The following SCNN1D variants were observed in gnomAD, a reference collection of about 807,000 sequenced individuals.
The protein encoded by SCNN1D is epithelial sodium channel subunit delta.
Under a neutral mutation model 87.8 loss-of-function variants are expected in SCNN1D, and 104 were observed. The ratio of observed to expected loss-of-function variants is 1.18; its 90% CI spans 1.01 to 1.39. The LOEUF (loss-of-function observed/expected upper bound fraction) is 1.39. Among genes scored for constraint, SCNN1D ranks in the 40% most tolerant of loss-of-function variants. The pLI is 0.00. For missense variants in SCNN1D, 1,324 were observed against 1,093.9 expected (o/e 1.21, Z -2.97); for synonymous variants, 628 against 481.2 (o/e 1.31, Z -3.99).
chr1:1,290,275 G>A lies in SCNN1D; in HGVS notation c.1667G>A (p.Cys556Tyr), dbSNP rs1640755636. ...LHNTSYTRQA[C>Y]LVSCFQQLMV... ...GCTCATCCCCCCTGTCCCCAGGCCT[G>A]CCTGGTGTCCTGCTTCCAGCAGCTG... The change falls in exon 13 of 18, where the codon TGC becomes TAC. Residue 556 changes from cysteine (C) to tyrosine (Y), a missense_variant. Cys to Tyr is a radical substitution (Grantham distance 194). Transcript: ENST00000379116. 2 of 1,562,566 alleles carry A rather than the reference G, an allele frequency of 1.3e-6. No homozygotes were observed. Among genetic ancestry groups the A allele is most frequent in the Non-Finnish European group, 1.7e-6 (2 of 1,153,004 alleles).
Position 1,288,219 on chromosome 1 carries a change from T to TCC in SCNN1D, c.1662+184_1662+185dup, listed in dbSNP as rs1553160013. 1.2e-3 allele frequency among the ~76,000 whole-genome samples: 167 copies of TCC among 137,942 alleles called. 2 individuals carry two copies. The highest frequency in any genetic ancestry group is 3.6e-3 in the African/African-American group (130 of 36,494). The allele number at this position is 137,942 out of a possible 152,430, so 90.5% of individuals were successfully genotyped here. ...CTCCATTCCCTGTGTCTCTGCTCCG[T>TCC]CCCGTGTCTCTGCTCCGTCCCGTGT... is the stretch of plus-strand genomic sequence containing the variant. On this transcript the variant is annotated intron_variant, in intron 12 of 17. Transcript: ENST00000379116.
At position 1,291,038 on chromosome 1, in the gene SCNN1D, C is replaced by T. The variant is rs377403530; in HGVS notation, c.1977-27C>T. Reference sequence around the variant, plus strand: ...TCCCCATCATGAAGGTCTGGGCCAGCGCCCTCATGCCTCTATCCTGCCCCA... The same window carrying T: ...TCCCCATCATGAAGGTCTGGGCCAGTGCCCTCATGCCTCTATCCTGCCCCA... On this transcript the variant is annotated intron_variant, in intron 16 of 17. Coordinates refer to ENST00000379116, the MANE Select transcript of SCNN1D (RefSeq NM_001130413.4). 4,098 of 1,606,648 alleles carry T rather than the reference C, an allele frequency of 2.6e-3. 7 individuals carry two copies. The highest frequency in any genetic ancestry group is 3.0e-3 in the Non-Finnish European group (3,579 of 1,176,374).
intron 12 of SCNN1D, among the ~76,000 whole-genome samples, chr1:1,288,569 CCCCGTGTCTCTGCTCCGT>C (rs1369342785): frequency 2.0e-4 from 1 of 4,958 alleles, no homozygotes; most frequent in Non-Finnish European, 4.2e-4. Flanking sequence ...CTGCTCCGTC[CCCCGTGTCTCTGCTCCGT>C]CCCGTGTCTC....
Position 1,287,298 on chromosome 1 carries a change from C to A in SCNN1D, c.1309C>A (p.Arg437=). ...TTACGATGGCCTGGACTGCCAGGCC[C>A]GGTGAGTGTGGCGGGCGGGGGCCAC... The part of the protein sequence containing the change: ...CSYDGLDCQA[R]QFRTFHHPTY... The change falls in exon 9 of 18, where the codon CGA becomes AGA. Residue 437 remains arginine, a splice_region_variant and synonymous_variant. Transcript: ENST00000379116. The A allele has an allele frequency of 6.3e-7, 1 of 1,586,160 alleles. No homozygotes were observed. Among genetic ancestry groups the A allele is most frequent in the Non-Finnish European group, 8.6e-7 (1 of 1,162,914 alleles).
Position 1,287,017 on chromosome 1 carries a change from GCTGGGAGCACGGCCCTGCGCTGCTGGTAC to G in SCNN1D, c.1119+45_1120-61del, listed in dbSNP as rs752947576. On this transcript the variant is annotated intron_variant, in intron 8 of 17. Coordinates refer to ENST00000379116, the MANE Select transcript of SCNN1D (RefSeq NM_001130413.4). ...GGGCCTGCAGCCATCAGGGCCTTGAGCTGGGAGCACGGCCCTGCGCTGCTGGTACCTCGAGTGGGGAGCGGGGCCTGGGC... is the reference window on the plus strand; with the variant it reads ...GGGCCTGCAGCCATCAGGGCCTTGAGCTCGAGTGGGGAGCGGGGCCTGGGC... 2.2e-5 allele frequency: 35 copies of G among 1,595,778 alleles called. No individual in the cohort carries two copies. The Admixed American group carries it at 3.0e-4, about 14-fold the overall frequency.
intron 12 of SCNN1D, among the ~76,000 whole-genome samples, chr1:1,288,361 T>C (rs866479534): frequency 3.0e-3 from 79 of 26,490 alleles, no homozygotes; most frequent in East Asian, 9.4e-3. Context: ...GTGTCTCTGC[T>C]CCGTCCCGTG....
At chr1:1,290,737 C>T (rs1640781006) in intron 15 of SCNN1D, 43 bp downstream of exon 15, 2 of 1,607,146 alleles carry the variant, frequency 1.2e-6, no homozygotes, top group East Asian at 2.2e-5. Flanking sequence ...GACAGCCAGG[C>T]AGACCCCACA....
chr1:1,280,821 T>G (rs1297008376), intron 1 of SCNN1D, 155 bp downstream of exon 1: 9 of 617,862 alleles, frequency 1.5e-5, no homozygotes, highest in Non-Finnish European at 2.7e-5. Context: ...CACACGCACC[T>G]TACTCCTCCC....
chr1:1,286,307 G>A (rs1640589852), intron 7 of SCNN1D, 29 bp downstream of exon 7: 2 of 1,499,300 alleles, frequency 1.3e-6, no homozygotes, highest in Non-Finnish European at 1.8e-6. Context: ...GGCGGGAGGG[G>A]TGGCCGCCCC....
rs609805 is a variant in SCNN1D at position 1,291,509 on chromosome 1, G to A, written c.2308G>A (p.Gly770Arg). The A allele has an allele frequency of 0.046, 74,703 of 1,608,368 alleles. 3,204 individuals carry two copies. Among genetic ancestry groups the A allele is most frequent in the East Asian group, 0.15 (6,912 of 44,706 alleles). ...GGTSDDPEPS[G>R]PHLPRVMLPG... ...CACGTCAGATGACCCGGAGCCCAGC[G>A]GGCCTCATCTCCCACGGGTGATGCT... Residue 770 changes from glycine to arginine, a missense_variant, in exon 18 of 18, where the codon GGG (glycine) becomes AGG (arginine). Transcript: ENST00000379116.
intron 9 of SCNN1D, 74 bp from the exon 10 acceptor site, chr1:1,287,434 C>T (rs1640620846): frequency 6.7e-7 from 1 of 1,489,988 alleles, no homozygotes. Flanking sequence ...ACAGGGCAGG[C>T]CATGGCCCCT....
chr1:1,288,254 G>A lies in SCNN1D; in HGVS notation c.1662+217G>A, dbSNP rs868035453. Among the ~76,000 whole-genome samples, 43 of 122,352 alleles carry A rather than the reference G, an allele frequency of 3.5e-4. 2 individuals are homozygous for A. Among genetic ancestry groups the A allele is most frequent in the East Asian group, 1.2e-3 (4 of 3,468 alleles). The allele number at this position is 122,352 out of a possible 152,430, so 80.3% of individuals were successfully genotyped here. A position where few individuals can be genotyped will look rare whatever the true frequency, so the allele number is the denominator to read the frequency against. ...CTGCTCCGTCCCGTGTCTCTGCTCC[G>A]TCCCGTGTCTCTGCTCCGTCCCCCG... On this transcript the variant is annotated intron_variant, in intron 12 of 17. Transcript: ENST00000379116.
In SCNN1D at chr1:1,290,163, G is replaced by A. The variant is rs1357095786; in HGVS notation, c.1663-108G>A. 1.6e-4 allele frequency: 81 copies of A among 511,788 alleles called. 2 individuals carry two copies. Among genetic ancestry groups the A allele is most frequent in the South Asian group, 3.6e-4 (14 of 39,086 alleles). 31.7% of individuals were successfully genotyped at this position (511,788 alleles called of 1,614,324 possible). On this transcript the variant is annotated intron_variant, in intron 12 of 17. Transcript: ENST00000379116. ...CTGCTCCGTCCCGTGTCTCTGCTCC[G>A]TCCCGTGTCCCTGCTCCGTCCCGTG...
In SCNN1D at chr1:1,281,225, G is replaced by A. The variant is rs910715512; in HGVS notation, c.6-1G>A. The A allele has an allele frequency of 6.5e-7, 1 of 1,535,166 alleles. No individual in the cohort carries two copies. The highest frequency in any genetic ancestry group is 1.4e-5 in the African/African-American group (1 of 73,010). On this transcript the variant is annotated splice_acceptor_variant, in intron 1 of 17. Transcript: ENST00000379116. LOFTEE classifies it high-confidence loss of function. ...AGATGCCAGGCGCCTGCCATCTCCA[G>A]GGCAGTGCTGTCACAGAAGACAACA...
Position 1,287,979 on chromosome 1 carries a change from C to A in SCNN1D, c.1604C>A (p.Thr535Asn). The stretch of plus-strand genomic sequence containing the variant: ...CTCGGGAGCCCCTACGGCCACTGCA[C>A]CGCCGGCGGGGAAGGCGTGGAGGTG... ...HRLGSPYGHC[T>N]AGGEGVEVEL... Residue 535 changes from threonine to asparagine, a missense_variant, in exon 12 of 18, where the codon ACC becomes AAC. Physicochemically the swap from Thr to Asn is moderately conservative, Grantham distance 65. Transcript: ENST00000379116. 1 of 1,547,134 alleles carries A rather than the reference C, an allele frequency of 6.5e-7. No homozygotes were observed. The highest frequency in any genetic ancestry group is 8.7e-7 in the Non-Finnish European group (1 of 1,145,562).
chr1:1,287,057 G>A, intron 8 of SCNN1D, 52 bp from the exon 9 acceptor site: 1 of 1,577,326 alleles, frequency 6.3e-7, no homozygotes, highest in Non-Finnish European at 8.6e-7. Flanking sequence ...CTCGAGTGGG[G>A]AGCGGGGCCT....
intron 12 of SCNN1D, among the ~76,000 whole-genome samples, chr1:1,289,973 TCTGCTCCGTCCCGTGTCC>T (rs1553160369): frequency 3.3e-5 from 1 of 30,462 alleles, no homozygotes; most frequent in Non-Finnish European, 4.9e-5. Context: ...GTCCCCCGTG[TCTGCTCCGTCCCGTGTCC>T]CTGCTCCGTC....
At position 1,290,935 on chromosome 1, in the gene SCNN1D, A is replaced by G. The variant is rs1380668090; in HGVS notation, c.1958A>G (p.His653Arg). The change falls in exon 16 of 18, where the codon CAT (histidine) becomes CGT (arginine). Residue 653 changes from histidine to arginine, a missense_variant. Coordinates refer to ENST00000379116, the MANE Select transcript of SCNN1D (RefSeq NM_001130413.4). ...ACGCTAGGTGAACAGGGGCTGCCGCATCAGAGCCACAGACAGAGGTGGGTG... is the reference window on the plus strand; with the variant it reads ...ACGCTAGGTGAACAGGGGCTGCCGCGTCAGAGCCACAGACAGAGGTGGGTG... ...LATLGEQGLP[H>R]QSHRQRSSLA... 1.6e-5 allele frequency: 25 copies of G among 1,610,014 alleles called. No homozygotes were observed. The highest frequency in any genetic ancestry group is 2.2e-5 in the South Asian group (2 of 90,642).
chr1:1,283,042 G>A (rs1557579416), intron 4 of SCNN1D, among the ~76,000 whole-genome samples: 2 of 152,164 alleles, frequency 1.3e-5, no homozygotes, highest in South Asian at 4.2e-4. Context: ...GTGAGCCACC[G>A]CGCCTGGTGG....
Sources: gnomAD v4.1 joint callset for allele counts (sites outside exome capture counted in the v4.1 genomes callset) on GRCh38, gnomAD v4.1.1 for gene constraint, MANE v1.5 for transcripts, NCBI Gene and HGNC (gene_info 2026-07-23, HGNC 2026-07-21) for gene names.